OPCML: variants seen among roughly 807,000 people sequenced by gnomAD.
OPCML encodes opioid-binding protein/cell adhesion molecule.
Under a neutral mutation model 37.8 loss-of-function variants are expected in OPCML, and 13 were observed. The ratio of observed to expected loss-of-function variants is 0.34; its 90% CI spans 0.22 to 0.55. The LOEUF is 0.55. OPCML is among the 20% of genes least tolerant of loss of function. The pLI, the probability that OPCML is intolerant of heterozygous loss-of-function variation, is 0.91. For synonymous variants in OPCML, 176 were observed against 168.8 expected, an observed-to-expected ratio of 1.04 and a Z score of -0.33; for missense variants, 341 against 435.6, an observed-to-expected ratio of 0.78 and a Z score of 1.93.
In OPCML at chr11:132,675,175, GTGTGTGTA is replaced by G. The variant is rs1235675035; in HGVS notation, c.147-17864_147-17857del. Reference sequence around the variant, plus strand: ...TATGTATGTGTGTGTGTGTGTGTGTGTGTGTGTATATATATATATATATAACTTTACAT... The same window carrying G: ...TATGTATGTGTGTGTGTGTGTGTGTGTATATATATATATATAACTTTACAT... On this transcript the variant is annotated intron_variant, in intron 2 of 7. Transcript: ENST00000524381. Among the ~76,000 whole-genome samples the G allele has an allele frequency of 4.6e-3, 476 of 104,574 alleles. 3 individuals carry two copies. Among genetic ancestry groups the G allele is most frequent in the African/African-American group, 0.015 (427 of 27,638 alleles). The allele number at this position is 104,574 out of a possible 152,430, so 68.6% of individuals were successfully genotyped here.
chr11:133,289,594 C>CA (rs1229577687), intron 1 of OPCML, among the ~76,000 whole-genome samples: 3,724 of 48,812 alleles, frequency 0.076, 122 homozygotes, highest in African/African-American at 0.1. Flanking sequence ...GACTCCATCT[C>CA]AAAAAAAAAA....
intron 4 of OPCML, among the ~76,000 whole-genome samples, chr11:132,514,110 T>C (rs2096274705): frequency 6.6e-6 from 1 of 152,198 alleles, no homozygotes. Flanking sequence ...TTTAAGTACT[T>C]GCTTATTTAT....
At chr11:132,578,776 TC>T (rs2137615592) in intron 3 of OPCML, among the ~76,000 whole-genome samples, 1 of 152,280 alleles carries the variant, frequency 6.6e-6, no homozygotes, top group African/African-American at 2.4e-5. Flanking sequence ...TCTGACTCTA[TC>T]TTGAACACCC....
At chr11:132,738,468 G>T (rs1295904407) in intron 2 of OPCML, among the ~76,000 whole-genome samples, 1 of 152,170 alleles carries the variant, frequency 6.6e-6, no homozygotes, top group Non-Finnish European at 1.5e-5. Flanking sequence ...TCAGTTTGAG[G>T]TGATCAAGGA....
intron 1 of OPCML, among the ~76,000 whole-genome samples, chr11:132,975,425 T>C (rs1946437029): frequency 6.7e-6 from 1 of 149,658 alleles, no homozygotes; most frequent in South Asian, 2.1e-4. Flanking sequence ...AAGAAGCATA[T>C]AATATGAGTA....
At chr11:132,599,955 T>C (rs1413036521) in intron 3 of OPCML, among the ~76,000 whole-genome samples, 1 of 152,180 alleles carries the variant, frequency 6.6e-6, no homozygotes, top group Non-Finnish European at 1.5e-5. Flanking sequence ...ACAATCATTA[T>C]TTTGCCTTCA....
At chr11:133,291,150 G>A (rs1203140731) in intron 1 of OPCML, among the ~76,000 whole-genome samples, 2 of 152,240 alleles carry the variant, frequency 1.3e-5, no homozygotes, top group Non-Finnish European at 2.9e-5. Flanking sequence ...AAAAACCTGG[G>A]TTCTAATTCT....
At chr11:132,565,557 A>G (rs2096420628) in intron 3 of OPCML, among the ~76,000 whole-genome samples, 3 of 152,298 alleles carry the variant, frequency 2.0e-5, no homozygotes, top group South Asian at 4.1e-4. Context: ...CAGGCTTGAC[A>G]TTGACTACAG....
chr11:133,064,366 G>A (rs1948404085), intron 1 of OPCML, among the ~76,000 whole-genome samples: 1 of 152,234 alleles, frequency 6.6e-6, no homozygotes, highest in Non-Finnish European at 1.5e-5. Flanking sequence ...TGAGGCCCCC[G>A]GGCAGAGCTC....
Position 133,337,735 on chromosome 11 carries a change from G to C in OPCML, c.61+194529C>G, listed in dbSNP as rs989795028. ...AATAGAACTCAAAGTAAGAATACCT[G>C]GGCTAGGTTTCAACTCAGGGTGAAA... On this transcript the variant is annotated intron_variant, in intron 1 of 7. Transcript: ENST00000524381. 2.0e-5 allele frequency among the ~76,000 whole-genome samples: 3 copies of C among 152,098 alleles called. No homozygotes were observed. In the East Asian group the frequency reaches 5.8e-4, roughly 29 times the overall value.
At chr11:132,922,895 C>T in intron 2 of OPCML, among the ~76,000 whole-genome samples, 1 of 151,756 alleles carries the variant, frequency 6.6e-6, no homozygotes. Context: ...GCAGGGAGAC[C>T]ACATCTCTAC....
At chr11:132,919,996 G>A (rs1258601186) in intron 2 of OPCML, among the ~76,000 whole-genome samples, 1 of 152,216 alleles carries the variant, frequency 6.6e-6, no homozygotes, top group Non-Finnish European at 1.5e-5. Flanking sequence ...ATGGAAGGGG[G>A]AAATGGGGAG....
intron 1 of OPCML, among the ~76,000 whole-genome samples, chr11:133,478,285 C>A (rs1430800369): frequency 6.6e-6 from 1 of 152,178 alleles, no homozygotes; most frequent in African/African-American, 2.4e-5. Flanking sequence ...TAGTCCTTCT[C>A]CCCTGCCTCT....
intron 1 of OPCML, among the ~76,000 whole-genome samples, chr11:133,074,585 G>C (rs193292395): frequency 1.3e-5 from 2 of 152,270 alleles, no homozygotes; most frequent in Non-Finnish European, 2.9e-5. Context: ...CCAGGAGGAT[G>C]GTAGCCATGG....
chr11:132,629,125 CT>C (rs1013868614), intron 3 of OPCML, among the ~76,000 whole-genome samples: 1 of 152,120 alleles, frequency 6.6e-6, no homozygotes, highest in African/African-American at 2.4e-5. Context: ...CACAGTAACA[CT>C]TTCCTCTCAC....
At position 132,908,414 on chromosome 11, in the gene OPCML, T is replaced by A. The variant is rs570109018; in HGVS notation, c.146+34512A>T. On this transcript the variant is annotated intron_variant, in intron 2 of 7. Coordinates refer to ENST00000524381, the MANE Select transcript of OPCML (RefSeq NM_001012393.5). ...TTTAACTCTGAGCAGTCACTCAATT[T>A]CTCTGGGTCCCTATAAACACATTAT... 3.4e-4 allele frequency among the ~76,000 whole-genome samples: 52 copies of A among 152,330 alleles called. 1 individual carries two copies. The South Asian group carries it at 0.01, about 30-fold the overall frequency.
chr11:133,158,763 T>TAAAA (rs1565478758), intron 1 of OPCML, among the ~76,000 whole-genome samples: 46 of 126,068 alleles, frequency 3.6e-4, no homozygotes, highest in African/African-American at 1.4e-3. Context: ...AAAATGAAAA[T>TAAAA]TAAAAAAAAT....
intron 1 of OPCML, among the ~76,000 whole-genome samples, chr11:133,431,117 A>C (rs1591491337): frequency 6.6e-6 from 1 of 152,258 alleles, no homozygotes; most frequent in East Asian, 1.9e-4. Flanking sequence ...AATAAGAATA[A>C]TAACTATCTC....
chr11:132,575,690 T>C (rs962216341), intron 3 of OPCML, among the ~76,000 whole-genome samples: 2 of 152,216 alleles, frequency 1.3e-5, no homozygotes, highest in Non-Finnish European at 2.9e-5. Flanking sequence ...AATACAGTAT[T>C]CTGTATGTTT....
Sources: allele counts gnomAD v4.1 joint callset (sites outside exome capture counted in the v4.1 genomes callset), GRCh38; gene constraint gnomAD v4.1.1; transcripts MANE v1.5; gene names NCBI Gene and HGNC (gene_info 2026-07-23, HGNC 2026-07-21).